Variants in FRMD6 observed in about 807,000 individuals in gnomAD.
FRMD6 encodes the protein FERM domain-containing protein 6.
FRMD6 carries 37 observed loss-of-function variants against 73.2 expected under a neutral mutation model. The observed-to-expected ratio is 0.51, with a 90% CI of 0.39 to 0.66. The LOEUF (loss-of-function observed/expected upper bound fraction) is 0.66. Ranked by LOEUF, FRMD6 falls within the 30% of genes least tolerant of loss-of-function variation. The pLI is 0.00. For missense variants in FRMD6, 714 were observed against 780.5 expected (o/e 0.91, Z 1.02); for synonymous variants, 273 against 282.2 (o/e 0.97, Z 0.33).
the FRMD6 span, among the ~76,000 whole-genome samples, chr14:51,453,253 G>C: frequency 5.3e-3 from 800 of 152,234 alleles, 6 homozygotes; most frequent in African/African-American, 0.018. Flanking sequence ...CAAAACCAGA[G>C]AGGAGGATGT....
chr14:51,441,533 C>T, the FRMD6 span, among the ~76,000 whole-genome samples: 1 of 152,244 alleles, frequency 6.6e-6, no homozygotes, highest in Non-Finnish European at 1.5e-5. Context: ...TTTTATATGT[C>T]TTTTGGGAGG....
chr14:51,633,367 C>A (rs1891412307), intron 2 of FRMD6, among the ~76,000 whole-genome samples: 1 of 150,338 alleles, frequency 6.7e-6, no homozygotes, highest in Admixed American at 6.6e-5. Flanking sequence ...TTTGGGAGGC[C>A]CAGGTGGGCA....
intron 2 of FRMD6, among the ~76,000 whole-genome samples, chr14:51,607,913 CT>C (rs1890330683): frequency 6.6e-6 from 1 of 152,218 alleles, no homozygotes; most frequent in African/African-American, 2.4e-5. Flanking sequence ...ACAGCACTTG[CT>C]TTGCAGTGTG....
chr14:51,548,647 T>C (rs2139418406), intron 1 of FRMD6, among the ~76,000 whole-genome samples: 2 of 152,206 alleles, frequency 1.3e-5, no homozygotes, highest in South Asian at 4.2e-4. Flanking sequence ...AGGGGAAATG[T>C]GGGGGAAACG....
At chr14:51,599,135 C>T (rs981416779) in intron 2 of FRMD6, among the ~76,000 whole-genome samples, 1 of 121,204 alleles carries the variant, frequency 8.3e-6, no homozygotes, top group Non-Finnish European at 1.7e-5. Flanking sequence ...TGTGGTTTTG[C>T]TTTGCATTTC....
At chr14:51,461,017 T>C in the FRMD6 span, among the ~76,000 whole-genome samples, 1 of 152,186 alleles carries the variant, frequency 6.6e-6, no homozygotes, top group African/African-American at 2.4e-5. Context: ...TGGAAACCCC[T>C]TGGTCAAATT....
At chr14:51,649,025 CCA>C (rs1321817332), upstream of FRMD6, among the ~76,000 whole-genome samples, 6 of 152,062 alleles carry the variant, frequency 3.9e-5, no homozygotes, top group African/African-American at 9.7e-5. Flanking sequence ...GAATTATTAC[CCA>C]CACAGTTGCA....
the FRMD6 span, among the ~76,000 whole-genome samples, chr14:51,480,167 A>T: frequency 3.3e-5 from 5 of 152,206 alleles, no homozygotes; most frequent in Admixed American, 2.6e-4. Context: ...GATGGAGCCA[A>T]GGTGCTAAGA....
At chr14:51,608,780 A>G (rs1890369018) in intron 2 of FRMD6, among the ~76,000 whole-genome samples, 1 of 152,118 alleles carries the variant, frequency 6.6e-6, no homozygotes, top group Non-Finnish European at 1.5e-5. Flanking sequence ...CTTTCAATAC[A>G]CATGTACGTT....
the FRMD6 span, among the ~76,000 whole-genome samples, chr14:51,427,279 C>T: frequency 6.6e-6 from 1 of 152,162 alleles, no homozygotes; most frequent in African/African-American, 2.4e-5. Flanking sequence ...CTGTTGTCTG[C>T]CATGCATGCA....
the FRMD6 span, among the ~76,000 whole-genome samples, chr14:51,439,189 G>A: frequency 6.6e-6 from 1 of 152,184 alleles, no homozygotes. Flanking sequence ...CCCACCAACA[G>A]GCAAAAGTGT....
intron 1 of FRMD6, among the ~76,000 whole-genome samples, chr14:51,516,225 A>G (rs545548897): frequency 1.3e-4 from 20 of 152,258 alleles, no homozygotes; most frequent in Admixed American, 3.3e-4. Context: ...CACACTCACA[A>G]AAAAACAAAA....
chr14:51,706,590 T>C (rs993454192), intron 6 of FRMD6, among the ~76,000 whole-genome samples: 1 of 152,082 alleles, frequency 6.6e-6, no homozygotes, highest in Non-Finnish European at 1.5e-5. Flanking sequence ...TTCAGGTCTT[T>C]CTTCTTGCAG....
chr14:51,684,797 G>A (rs538354303), intron 1 of FRMD6, among the ~76,000 whole-genome samples: 1 of 152,294 alleles, frequency 6.6e-6, no homozygotes, highest in South Asian at 2.1e-4. Flanking sequence ...GAATCTTCAT[G>A]TATAGGAAGC....
chr14:51,636,638 T>C (rs1294073960), intron 2 of FRMD6, among the ~76,000 whole-genome samples: 2 of 152,160 alleles, frequency 1.3e-5, no homozygotes, highest in Non-Finnish European at 2.9e-5. Context: ...TTAGTTATCA[T>C]ATGAAAGGTT....
chr14:51,703,278 C>G (rs561505292), intron 5 of FRMD6, among the ~76,000 whole-genome samples: 3 of 152,126 alleles, frequency 2.0e-5, no homozygotes, highest in Non-Finnish European at 4.4e-5. Flanking sequence ...AGAAAACTTT[C>G]AGAAGTGATT....
chr14:51,397,778 G>C, the FRMD6 span, among the ~76,000 whole-genome samples: 14,155 of 152,138 alleles, frequency 0.093, 683 homozygotes, highest in Middle Eastern at 0.13. Context: ...ACAGTCAAAA[G>C]TTTGTTTCGT....
intron 2 of FRMD6, among the ~76,000 whole-genome samples, chr14:51,625,688 C>T (rs577181001): frequency 1.4e-4 from 21 of 152,304 alleles, no homozygotes; most frequent in African/African-American, 4.8e-4. Flanking sequence ...CCAACACGCT[C>T]ATTCCAAGCT....
At chr14:51,652,675 G>T (rs1251364947) in intron 1 of FRMD6, among the ~76,000 whole-genome samples, 3 of 152,252 alleles carry the variant, frequency 2.0e-5, no homozygotes, top group African/African-American at 7.2e-5. Context: ...GGTGAGATAC[G>T]AGTTGGGGGT....
Sources: allele counts gnomAD v4.1 joint callset (sites outside exome capture counted in the v4.1 genomes callset), GRCh38; gene constraint gnomAD v4.1.1; transcripts MANE v1.5; gene names NCBI Gene and HGNC (gene_info 2026-07-23, HGNC 2026-07-21).